The following RBMS3 variants were observed in gnomAD, a reference collection of about 807,000 sequenced individuals.
The protein encoded by RBMS3 is RNA-binding motif, single-stranded-interacting protein 3.
RBMS3 carries 27 observed loss-of-function variants against 66.8 expected under a neutral mutation model. The ratio of observed to expected loss-of-function variants is 0.40; its 90% CI spans 0.30 to 0.56. The LOEUF (loss-of-function observed/expected upper bound fraction) is 0.56, where lower values mean the gene tolerates loss of function less well. Ranked by LOEUF, RBMS3 falls within the 20% of genes least tolerant of loss-of-function variation. The pLI, the probability that RBMS3 is intolerant of heterozygous loss-of-function variation, is 0.40. For synonymous variants in RBMS3, 188 were observed against 183.0 expected (o/e 1.03, Z -0.22); for missense variants, 513 against 549.5 (o/e 0.93, Z 0.66).
intron 2 of RBMS3, among the ~76,000 whole-genome samples, chr3:29,458,661 A>G (rs1164603824): frequency 6.6e-6 from 1 of 152,110 alleles, no homozygotes; most frequent in Non-Finnish European, 1.5e-5. Context: ...AATATTTTCA[A>G]TCTATGGTTG....
At chr3:29,697,147 T>C in intron 4 of RBMS3, 1 of 974,672 alleles carries the variant, frequency 1.0e-6, no homozygotes, top group Non-Finnish European at 1.2e-6. Context: ...TATACAGTAA[T>C]ATGGATCTAA....
intron 1 of RBMS3, among the ~76,000 whole-genome samples, chr3:29,385,166 C>T (rs1377594236): frequency 6.6e-6 from 1 of 152,036 alleles, no homozygotes; most frequent in Non-Finnish European, 1.5e-5. Context: ...GAAAGCAAAC[C>T]CCTTAAAGAG....
chr3:29,430,917 T>C (rs889365779), intron 1 of RBMS3, among the ~76,000 whole-genome samples: 2 of 152,054 alleles, frequency 1.3e-5, no homozygotes. Flanking sequence ...ATAAGGGAAG[T>C]AAAGAGAAAT....
chr3:29,424,808 T>C (rs2040880262), intron 1 of RBMS3, among the ~76,000 whole-genome samples: 1 of 152,140 alleles, frequency 6.6e-6, no homozygotes, highest in South Asian at 2.1e-4. Flanking sequence ...AGTAATATGA[T>C]TGGTTAATAT....
chr3:29,605,142 T>A (rs930979823), intron 4 of RBMS3, among the ~76,000 whole-genome samples: 1 of 151,890 alleles, frequency 6.6e-6, no homozygotes, highest in Non-Finnish European at 1.5e-5. Context: ...TTGTTTATCC[T>A]CCTTTGCTTT....
rs1043624575 is a variant in RBMS3 at position 29,574,733 on chromosome 3, G to T, written c.308-12381G>T. ...TTTATTTTTTGTGTATCCATTGTGT[G>T]TTTTTTTGATTTGAGGTTACAGTGA... On this transcript the variant is annotated intron_variant, in intron 3 of 14. Transcript: ENST00000383767. Among the ~76,000 whole-genome samples, 3 of 151,308 alleles carry T rather than the reference G, an allele frequency of 2.0e-5. No homozygotes were observed. In the East Asian group the frequency reaches 5.8e-4, roughly 29 times the overall value.
intron 12 of RBMS3, among the ~76,000 whole-genome samples, chr3:29,949,276 A>G (rs940244195): frequency 1.3e-5 from 2 of 151,684 alleles, no homozygotes; most frequent in African/African-American, 4.8e-5. Context: ...TCCAGCAAGC[A>G]TTTCCTGTAA....
chr3:29,547,800 T>C (rs545661439), intron 3 of RBMS3, among the ~76,000 whole-genome samples: 94 of 144,506 alleles, frequency 6.5e-4, no homozygotes, highest in Non-Finnish European at 3.0e-4. Context: ...AGCTTGTTTG[T>C]GGATTGATTT....
chr3:29,465,331 C>T (rs1575896848), intron 2 of RBMS3, among the ~76,000 whole-genome samples: 1 of 152,006 alleles, frequency 6.6e-6, no homozygotes, highest in African/African-American at 2.4e-5. Flanking sequence ...AGTAGTTAGG[C>T]AATACATTTT....
At chr3:29,316,421 G>GA (rs1256595291) in intron 1 of RBMS3, among the ~76,000 whole-genome samples, 3 of 151,614 alleles carry the variant, frequency 2.0e-5, no homozygotes, top group Non-Finnish European at 4.4e-5. Flanking sequence ...ACTCTTCTAT[G>GA]AAAAATTTTG....
At chr3:29,821,397 G>C (rs1272239489) in intron 6 of RBMS3, among the ~76,000 whole-genome samples, 1 of 152,034 alleles carries the variant, frequency 6.6e-6, no homozygotes, top group Non-Finnish European at 1.5e-5. Flanking sequence ...TCTACACCTG[G>C]AAATAGTCTA....
At chr3:29,429,903 C>T (rs1559354179) in intron 1 of RBMS3, among the ~76,000 whole-genome samples, 1 of 151,660 alleles carries the variant, frequency 6.6e-6, no homozygotes, top group Non-Finnish European at 1.5e-5. Flanking sequence ...CTGCTGTGAC[C>T]CATTAACCCC....
chr3:29,466,468 T>C lies in RBMS3; in HGVS notation c.249-21973T>C, dbSNP rs569651766. ...TTCAGAAGATTAAATATTTAAGATT[T>C]TTTTTTAGATCATGGATTCGTGCAG... On this transcript the variant is annotated intron_variant, in intron 2 of 14. Transcript: ENST00000383767. 2.0e-5 allele frequency among the ~76,000 whole-genome samples: 3 copies of C among 152,326 alleles called. No individual in the cohort carries two copies. The South Asian group carries it at 6.2e-4, about 32-fold the overall frequency.
chr3:29,515,357 T>C (rs532695083), intron 3 of RBMS3, among the ~76,000 whole-genome samples: 2 of 152,290 alleles, frequency 1.3e-5, no homozygotes, highest in East Asian at 3.9e-4. Context: ...ATAATCTGAA[T>C]GCAAGCTCGT....
intron 2 of RBMS3, among the ~76,000 whole-genome samples, chr3:29,459,989 C>A (rs749402525): frequency 1.3e-5 from 2 of 152,184 alleles, no homozygotes; most frequent in Non-Finnish European, 2.9e-5. Flanking sequence ...ACACTCCCCA[C>A]CTCCTTTCAT....
Position 29,281,430 on chromosome 3 carries a change from G to A in RBMS3, c.-252G>A. 1.9e-6 allele frequency: 1 copy of A among 518,758 alleles called. No individual in the cohort carries two copies. The highest frequency in any genetic ancestry group is 3.4e-6 in the Non-Finnish European group (1 of 297,180). 32.1% of individuals were successfully genotyped at this position (518,758 alleles called of 1,614,324 possible). ...CTGGGGGAAGCCAGGCAAGATCTGG[G>A]AAGGCTGTGTGTGGGTGTTTTTTCT... is the stretch of plus-strand genomic sequence containing the variant. On this transcript the variant is annotated 5_prime_UTR_variant, in exon 1 of 15. Coordinates refer to ENST00000383767, the MANE Select transcript of RBMS3 (RefSeq NM_001003793.3).
At chr3:29,414,066 G>C (rs1362056727) in intron 1 of RBMS3, among the ~76,000 whole-genome samples, 1 of 152,058 alleles carries the variant, frequency 6.6e-6, no homozygotes, top group Non-Finnish European at 1.5e-5. Flanking sequence ...TCCTTGCGCG[G>C]GAGTCTTTTA....
intron 1 of RBMS3, among the ~76,000 whole-genome samples, chr3:29,358,380 G>A (rs2125574435): frequency 6.6e-6 from 1 of 152,146 alleles, no homozygotes; most frequent in South Asian, 2.1e-4. Context: ...ATTTCTAAGG[G>A]CTCTGTTCTG....
intron 1 of RBMS3, among the ~76,000 whole-genome samples, chr3:29,335,498 G>A (rs1337274483): frequency 6.6e-6 from 1 of 152,162 alleles, no homozygotes; most frequent in Non-Finnish European, 1.5e-5. Context: ...GGTCTAAAAG[G>A]GAAAGAAATT....
Sources: allele counts gnomAD v4.1 joint callset (sites outside exome capture counted in the v4.1 genomes callset), GRCh38; gene constraint gnomAD v4.1.1; transcripts MANE v1.5; gene names NCBI Gene and HGNC (gene_info 2026-07-23, HGNC 2026-07-21).